The following CHMP5 variants were observed in gnomAD, a reference collection of about 807,000 sequenced individuals.
The protein encoded by CHMP5 is SNF7 domain containing 2.
Under a neutral mutation model 33.0 loss-of-function variants are expected in CHMP5, and 17 were observed. That is an observed-to-expected ratio of 0.52 (90% confidence interval 0.35 to 0.77). The LOEUF (loss-of-function observed/expected upper bound fraction) is 0.77. CHMP5 is among the 30% of genes least tolerant of loss of function. The pLI is 0.01. For synonymous variants in CHMP5, 76 were observed against 90.2 expected (o/e 0.84, Z 0.89); for missense variants, 216 against 261.5 (o/e 0.83, Z 1.20).
Position 33,281,676 on chromosome 9 carries a change from C to T in CHMP5, c.*817C>T, listed in dbSNP as rs1820923641. On this transcript the variant is annotated 3_prime_UTR_variant, in exon 8 of 8. Coordinates refer to ENST00000223500, the MANE Select transcript of CHMP5 (RefSeq NM_016410.6). ...AACAATCTGGGCTTGGGCCCTGGGTCTACCATTTACTAACTACTGAGTAGT... is the reference window on the plus strand; with the variant it reads ...AACAATCTGGGCTTGGGCCCTGGGTTTACCATTTACTAACTACTGAGTAGT... 6.6e-6 allele frequency: 1 copy of T among 152,216 alleles called. No individual in the cohort carries two copies. Among genetic ancestry groups the T allele is most frequent in the South Asian group, 2.1e-4 (1 of 4,834 alleles). 9.4% of individuals were successfully genotyped at this position (152,216 alleles called of 1,614,324 possible).
intron 4 of CHMP5, 55 bp from the exon 5 acceptor site, chr9:33,271,091 TAAAGAC>T: frequency 7.9e-7 from 1 of 1,272,444 alleles, no homozygotes; most frequent in Non-Finnish European, 1.1e-6. Flanking sequence ...AATAAATAAA[TAAAGAC>T]AATTTAACCA....
chr9:33,271,864 A>G (rs1191986657), intron 5 of CHMP5, among the ~76,000 whole-genome samples: 6 of 152,194 alleles, frequency 3.9e-5, no homozygotes, highest in African/African-American at 1.4e-4. Flanking sequence ...ACTTTTAACT[A>G]ATTCGATGAT....
Position 33,281,166 on chromosome 9 carries a change from A to G in CHMP5, c.*307A>G. 1 of 284,038 alleles carries G rather than the reference A, an allele frequency of 3.5e-6. No homozygotes were observed. The highest frequency in any genetic ancestry group is 6.5e-6 in the Non-Finnish European group (1 of 152,824). The allele number at this position is 284,038 out of a possible 1,614,324, so 17.6% of individuals were successfully genotyped here. A position where few individuals can be genotyped will look rare whatever the true frequency, so the allele number is the denominator to read the frequency against. On this transcript the variant is annotated 3_prime_UTR_variant, in exon 8 of 8. Coordinates refer to ENST00000223500, the MANE Select transcript of CHMP5 (RefSeq NM_016410.6). Reference sequence around the variant, plus strand: ...AATAAAACTAAGGAAATGGAATCTTAAAAGTCTATGACAGTGTAACTCTAC... The same window carrying G: ...AATAAAACTAAGGAAATGGAATCTTGAAAGTCTATGACAGTGTAACTCTAC...
In CHMP5 at chr9:33,281,800, C is replaced by T. The variant is rs1484471064; in HGVS notation, c.*941C>T. The stretch of plus-strand genomic sequence containing the variant: ...TAATTGAGGTAATGGTCATAAGTAC[C>T]TTGTTAACTGCAAGGGGCTATTCTT... On this transcript the variant is annotated 3_prime_UTR_variant, in exon 8 of 8. Transcript: ENST00000223500. 1 of 152,216 alleles carries T rather than the reference C, an allele frequency of 6.6e-6. No homozygotes were observed. Among genetic ancestry groups the T allele is most frequent in the African/African-American group, 2.4e-5 (1 of 41,468 alleles). The allele number at this position is 152,216 out of a possible 1,614,324, so 9.4% of individuals were successfully genotyped here.
intron 5 of CHMP5, among the ~76,000 whole-genome samples, chr9:33,271,924 T>C (rs188986139): frequency 2.0e-5 from 3 of 152,350 alleles, no homozygotes; most frequent in Non-Finnish European, 2.9e-5. Context: ...ATTCCCAGGA[T>C]TGTCATGAGT....
At chr9:33,272,852 A>G (rs1365983688) in intron 5 of CHMP5, among the ~76,000 whole-genome samples, 3 of 152,120 alleles carry the variant, frequency 2.0e-5, no homozygotes, top group South Asian at 2.1e-4. Flanking sequence ...TTTTTCAAGC[A>G]TCCCTCTTAG....
At chr9:33,265,290 C>T in intron 1 of CHMP5, 143 bp downstream of exon 1, 1 of 754,986 alleles carries the variant, frequency 1.3e-6, no homozygotes, top group South Asian at 1.5e-5. Context: ...TCACCTTCTC[C>T]CCTTCATCCC....
At position 33,276,569 on chromosome 9, in the gene CHMP5, G is replaced by A. The variant is rs372244713; in HGVS notation, c.496+5G>A. 2 of 1,533,878 alleles carry A rather than the reference G, an allele frequency of 1.3e-6. No individual in the cohort carries two copies. The highest frequency in any genetic ancestry group is 2.3e-5 in the East Asian group (1 of 44,380). On this transcript the variant is annotated splice_donor_5th_base_variant and intron_variant, in intron 6 of 7. Transcript: ENST00000223500. ...ATGAAGATGATTTAGAAGCAGGTAAGTTATGAGAAAAGTAATGTATATTTA... is the reference window on the plus strand; with the variant it reads ...ATGAAGATGATTTAGAAGCAGGTAAATTATGAGAAAAGTAATGTATATTTA...
At chr9:33,272,477 C>T (rs1166010004) in intron 5 of CHMP5, among the ~76,000 whole-genome samples, 3 of 151,656 alleles carry the variant, frequency 2.0e-5, no homozygotes. Flanking sequence ...ATTGCCTCTG[C>T]AAAGATATTC....
intron 6 of CHMP5, 80 bp from the exon 7 acceptor site, chr9:33,278,033 C>T (rs1422037054): frequency 1.2e-6 from 1 of 859,166 alleles, no homozygotes; most frequent in African/African-American, 1.7e-5. Context: ...TCTTTCAAGT[C>T]CATCGATAAA....
chr9:33,271,193 A>C lies in CHMP5; in HGVS notation c.357A>C (p.Ala119=). Residue 119 remains alanine, a synonymous_variant, in exon 5 of 8, where the codon GCA becomes GCC. Transcript: ENST00000223500. ...TGGGAGTAAAGGAAATGAAGAAGGC[A>C]TACAAGCAAGTGAAGATCGACCAGA... is the stretch of plus-strand genomic sequence containing the variant. ...MKLGVKEMKK[A]YKQVKIDQIE... 6.2e-7 allele frequency: 1 copy of C among 1,614,110 alleles called. No homozygotes were observed. Among genetic ancestry groups the C allele is most frequent in the South Asian group, 1.1e-5 (1 of 91,082 alleles).
rs1564085345 is a variant in CHMP5 at position 33,267,906 on chromosome 9, T to TA, written c.221+8dup. 1 of 1,598,420 alleles carries TA rather than the reference T, an allele frequency of 6.3e-7. No homozygotes were observed. The highest frequency in any genetic ancestry group is 1.7e-5 in the Admixed American group (1 of 59,962). Reference sequence around the variant, plus strand: ...TTTTAAAGCAAAAGAGGATGTAAGTTACACACACAATTTCTACCTCTAGCA... The same window carrying TA: ...TTTTAAAGCAAAAGAGGATGTAAGTTAACACACACAATTTCTACCTCTAGCA... On this transcript the variant is annotated splice_region_variant and intron_variant, in intron 3 of 7. Coordinates refer to ENST00000223500, the MANE Select transcript of CHMP5 (RefSeq NM_016410.6).
At chr9:33,270,097 A>G (rs1487834218) in intron 3 of CHMP5, among the ~76,000 whole-genome samples, 1 of 152,264 alleles carries the variant, frequency 6.6e-6, no homozygotes, top group East Asian at 1.9e-4. Flanking sequence ...GAATGACAGA[A>G]CAGACTGCAT....
intron 5 of CHMP5, among the ~76,000 whole-genome samples, chr9:33,272,515 T>C (rs965621244): frequency 2.6e-5 from 4 of 151,580 alleles, no homozygotes; most frequent in Non-Finnish European, 5.9e-5. Context: ...TTAGTAAGAG[T>C]GAAGGCAGGC....
At chr9:33,266,247 TG>T in intron 2 of CHMP5, 133 bp downstream of exon 2, 1 of 515,370 alleles carries the variant, frequency 1.9e-6, no homozygotes, top group Admixed American at 3.2e-5. Context: ...CTGAGGCGGG[TG>T]GATCACGAGG....
At position 33,274,666 on chromosome 9, in the gene CHMP5, A is replaced by G. The variant is rs187754260; in HGVS notation, c.388-1790A>G. On this transcript the variant is annotated intron_variant, in intron 5 of 7. Coordinates refer to ENST00000223500, the MANE Select transcript of CHMP5 (RefSeq NM_016410.6). ...AGTCTCGCTCTGTCGCCCAGGCTAG[A>G]GTGCGGTGGCGCGATCTCGGCTCAC... is the stretch of plus-strand genomic sequence containing the variant. Among the ~76,000 whole-genome samples the G allele has an allele frequency of 5.6e-3, 858 of 152,278 alleles. 3 individuals are homozygous for G. Among genetic ancestry groups the G allele is most frequent in the Non-Finnish European group, 1.0e-2 (678 of 68,036 alleles).
Position 33,270,779 on chromosome 9 carries a change from CT to C in CHMP5, c.315+68del, listed in dbSNP as rs370385100. On this transcript the variant is annotated intron_variant, in intron 4 of 7. Transcript: ENST00000223500. ...TTATTCTTATTCTCTTTTCCGATGGCTTTTTAAAGACAGTTTAACCAGCCAG... is the reference window on the plus strand; with the variant it reads ...TTATTCTTATTCTCTTTTCCGATGGCTTTTAAAGACAGTTTAACCAGCCAG... 21 of 1,381,266 alleles carry C rather than the reference CT, an allele frequency of 1.5e-5. 1 individual carries two copies. In the African/African-American group the frequency reaches 1.7e-4, roughly 11 times the overall value. 85.6% of individuals were successfully genotyped at this position (1,381,266 alleles called of 1,614,324 possible).
chr9:33,278,108 C>T lies in CHMP5; in HGVS notation c.497-5C>T. The T allele has an allele frequency of 6.3e-7, 1 of 1,580,262 alleles. No individual in the cohort carries two copies. Among genetic ancestry groups the T allele is most frequent in the Non-Finnish European group, 8.7e-7 (1 of 1,153,016 alleles). On this transcript the variant is annotated splice_polypyrimidine_tract_variant and splice_region_variant and intron_variant, in intron 6 of 7. Coordinates refer to ENST00000223500, the MANE Select transcript of CHMP5 (RefSeq NM_016410.6). ...TTTTTTAAATGTTGACTGTTTCAAT[C>T]TCAGAGTTGGATGCACTAGGTGATG... is the stretch of plus-strand genomic sequence containing the variant.
At chr9:33,269,678 T>A (rs535291051) in intron 3 of CHMP5, among the ~76,000 whole-genome samples, 2 of 152,138 alleles carry the variant, frequency 1.3e-5, no homozygotes, top group Non-Finnish European at 2.9e-5. Flanking sequence ...TAAAGCCTTA[T>A]TAAGATATGT....
Sources: gnomAD v4.1 joint callset for allele counts (sites outside exome capture counted in the v4.1 genomes callset) on GRCh38, gnomAD v4.1.1 for gene constraint, MANE v1.5 for transcripts, NCBI Gene and HGNC (gene_info 2026-07-23, HGNC 2026-07-21) for gene names.